The following TAF2 variants were observed in gnomAD, a reference collection of about 807,000 sequenced individuals.
TAF2 encodes the protein transcription initiation factor TFIID subunit 2.
TAF2 carries 61 observed loss-of-function variants against 138.5 expected under a neutral mutation model. The ratio of observed to expected loss-of-function variants is 0.44; its 90% CI spans 0.36 to 0.54. The LOEUF is 0.54. Ranked by LOEUF, TAF2 falls within the 20% of genes least tolerant of loss-of-function variation. TAF2 has a pLI of 0.00. For synonymous variants in TAF2, 475 were observed against 469.9 expected (o/e 1.01, Z -0.14); for missense variants, 1,090 against 1,427.9 (o/e 0.76, Z 3.81).
At chr8:119,812,652 T>C (rs2131237663) in intron 3 of TAF2, among the ~76,000 whole-genome samples, 1 of 152,286 alleles carries the variant, frequency 6.6e-6, no homozygotes, top group South Asian at 2.1e-4. Flanking sequence ...AATACTGGCC[T>C]CCAGTTCCAG....
intron 18 of TAF2, among the ~76,000 whole-genome samples, chr8:119,776,667 C>T (rs1421136556): frequency 1.3e-5 from 2 of 151,772 alleles, no homozygotes; most frequent in East Asian, 1.9e-4. Context: ...CCAGCCTGGG[C>T]GACTGAGTGA....
chr8:119,807,317 C>T (rs4871635), intron 3 of TAF2, among the ~76,000 whole-genome samples: 16,623 of 151,660 alleles, frequency 0.11, 1,017 homozygotes, highest in South Asian at 0.23. Context: ...GAAAACAATA[C>T]GATGAAGTCT....
In TAF2 at chr8:119,771,420, G is replaced by A. The variant is rs369738276; in HGVS notation, c.2364+6599C>T. Among the ~76,000 whole-genome samples the A allele has an allele frequency of 7.2e-5, 11 of 152,052 alleles. No individual in the cohort carries two copies. The East Asian group carries it at 1.8e-3, about 24-fold the overall frequency. ...CTGGCTAATTTTTGTATTTTCAGTAGAGACGAGGTTTCACCATGTTGGCCA... is the reference window on the plus strand; with the variant it reads ...CTGGCTAATTTTTGTATTTTCAGTAAAGACGAGGTTTCACCATGTTGGCCA... On this transcript the variant is annotated intron_variant, in intron 18 of 25. Transcript: ENST00000378164.
At chr8:119,776,622 G>C (rs1202153036) in intron 18 of TAF2, among the ~76,000 whole-genome samples, 1 of 152,050 alleles carries the variant, frequency 6.6e-6, no homozygotes, top group East Asian at 1.9e-4. Context: ...CAGGGAGATG[G>C]AGCTTGCAGT....
rs527313323 is a variant in TAF2 at position 119,780,326 on chromosome 8, C to T, written c.2253+727G>A. Among the ~76,000 whole-genome samples the T allele has an allele frequency of 7.1e-4, 108 of 152,098 alleles. 1 individual carries two copies. Among genetic ancestry groups the T allele is most frequent in the Non-Finnish European group, 1.4e-3 (94 of 68,020 alleles). ...GCATAAAACACTTTACATACTTGAT[C>T]TTAATTCCAAAAAAGATAAATTTTA... On this transcript the variant is annotated intron_variant, in intron 17 of 25. Transcript: ENST00000378164.
At chr8:119,769,738 T>C (rs1821691112) in intron 18 of TAF2, among the ~76,000 whole-genome samples, 1 of 151,272 alleles carries the variant, frequency 6.6e-6, no homozygotes, top group South Asian at 2.1e-4. Context: ...AAGACTGGTC[T>C]TTCGAATTAA....
chr8:119,751,732 GC>G (rs1820369379), intron 22 of TAF2, among the ~76,000 whole-genome samples: 1 of 152,132 alleles, frequency 6.6e-6, no homozygotes. Flanking sequence ...AAAAACGACT[GC>G]CCCTGGCAAA....
At chr8:119,782,941 G>A (rs1311844955) in intron 16 of TAF2, among the ~76,000 whole-genome samples, 4 of 151,932 alleles carry the variant, frequency 2.6e-5, no homozygotes, top group Admixed American at 6.6e-5. Flanking sequence ...TCAAGGGTTC[G>A]AGACCAGCCT....
intron 14 of TAF2, among the ~76,000 whole-genome samples, chr8:119,785,802 A>G (rs1822970697): frequency 6.6e-6 from 1 of 152,220 alleles, no homozygotes; most frequent in South Asian, 2.1e-4. Context: ...AAGGGCAAAT[A>G]AAAACAGGAA....
Position 119,748,375 on chromosome 8 carries a change from G to A in TAF2, c.2879-1441C>T, listed in dbSNP as rs537942809. 6.1e-4 allele frequency among the ~76,000 whole-genome samples: 91 copies of A among 150,402 alleles called. No homozygotes were observed. In the South Asian group the frequency reaches 0.018, roughly 30 times the overall value. ...TCTAACAGGTAACTATTAATTATACGCAAATCTGCAATGGGAAAAATTGTA... is the reference window on the plus strand; with the variant it reads ...TCTAACAGGTAACTATTAATTATACACAAATCTGCAATGGGAAAAATTGTA... On this transcript the variant is annotated intron_variant, in intron 22 of 25. Transcript: ENST00000378164.
At position 119,758,063 on chromosome 8, in the gene TAF2, A is replaced by G. The variant is rs1348474849; in HGVS notation, c.2768+10T>C. 1 of 1,610,954 alleles carries G rather than the reference A, an allele frequency of 6.2e-7. No homozygotes were observed. The highest frequency in any genetic ancestry group is 2.2e-5 in the East Asian group (1 of 44,744). On this transcript the variant is annotated intron_variant, in intron 21 of 25. Transcript: ENST00000378164. Reference sequence around the variant, plus strand: ...ACAAAATATCATAGCATCATAGCACATAAACTAACCTTACATAGGGTACAG... The same window carrying G: ...ACAAAATATCATAGCATCATAGCACGTAAACTAACCTTACATAGGGTACAG...
chr8:119,759,551 C>T (rs1820921401), intron 20 of TAF2, among the ~76,000 whole-genome samples: 1 of 152,048 alleles, frequency 6.6e-6, no homozygotes, highest in Non-Finnish European at 1.5e-5. Flanking sequence ...CATGTTTCTT[C>T]TATTTTCATA....
chr8:119,735,279 C>T (rs1310655052), intron 25 of TAF2, among the ~76,000 whole-genome samples: 2 of 152,068 alleles, frequency 1.3e-5, no homozygotes, highest in Admixed American at 6.6e-5. Flanking sequence ...ATCTATCATC[C>T]CCTACCCCGC....
intron 3 of TAF2, among the ~76,000 whole-genome samples, chr8:119,816,425 A>G (rs1825481962): frequency 6.6e-6 from 1 of 152,162 alleles, no homozygotes; most frequent in South Asian, 2.1e-4. Flanking sequence ...AATAATAAGA[A>G]AATGTGATTA....
intron 2 of TAF2, among the ~76,000 whole-genome samples, chr8:119,826,655 A>T (rs1586554841): frequency 6.6e-6 from 1 of 151,280 alleles, no homozygotes; most frequent in African/African-American, 2.4e-5. Flanking sequence ...CAGCAGTGCG[A>T]TTTCGGCTCG....
chr8:119,830,678 C>G (rs1297423861), intron 2 of TAF2, among the ~76,000 whole-genome samples: 1 of 152,152 alleles, frequency 6.6e-6, no homozygotes, highest in Non-Finnish European at 1.5e-5. Flanking sequence ...TTCAGCTTAT[C>G]CTAAGTAAAT....
intron 25 of TAF2, among the ~76,000 whole-genome samples, chr8:119,739,131 T>C (rs1231076669): frequency 6.6e-6 from 1 of 152,064 alleles, no homozygotes; most frequent in East Asian, 1.9e-4. Flanking sequence ...TCTCCGCTTC[T>C]TTCCCACAAA....
chr8:119,813,446 A>G (rs182252945), intron 3 of TAF2, among the ~76,000 whole-genome samples: 162 of 152,356 alleles, frequency 1.1e-3, no homozygotes, highest in South Asian at 1.9e-3. Context: ...TAAAAGGCAA[A>G]TGAGTTTCAA....
At chr8:119,756,583 T>C (rs968422279) in intron 21 of TAF2, among the ~76,000 whole-genome samples, 2 of 152,126 alleles carry the variant, frequency 1.3e-5, no homozygotes, top group Non-Finnish European at 2.9e-5. Context: ...TTTGAGATAA[T>C]AAAATGAACA....
Sources: allele counts gnomAD v4.1 joint callset (sites outside exome capture counted in the v4.1 genomes callset), GRCh38; gene constraint gnomAD v4.1.1; transcripts MANE v1.5; gene names NCBI Gene and HGNC (gene_info 2026-07-23, HGNC 2026-07-21).